EXOC4: variants seen among roughly 807,000 people sequenced by gnomAD.
The protein encoded by EXOC4 is SEC8-like 1.
Under a neutral mutation model 107.2 loss-of-function variants are expected in EXOC4, and 71 were observed. That is an observed-to-expected ratio of 0.66 (90% confidence interval 0.55 to 0.81). The LOEUF (loss-of-function observed/expected upper bound fraction) is 0.81. Ranked by LOEUF, EXOC4 falls within the 30% of genes least tolerant of loss-of-function variation. EXOC4 has a pLI of 0.00. For missense variants in EXOC4, 1,108 were observed against 1,189.6 expected, an observed-to-expected ratio of 0.93 and a Z score of 1.01; for synonymous variants, 456 against 441.2, an observed-to-expected ratio of 1.03 and a Z score of -0.42.
intron 10 of EXOC4, among the ~76,000 whole-genome samples, chr7:133,634,321 C>G (rs1802656422): frequency 6.6e-6 from 1 of 152,098 alleles, no homozygotes; most frequent in Non-Finnish European, 1.5e-5. Context: ...TTAATGCTTT[C>G]CTTATTGTTT....
chr7:134,051,725 C>T (rs1795795854), intron 17 of EXOC4, among the ~76,000 whole-genome samples: 1 of 147,662 alleles, frequency 6.8e-6, no homozygotes, highest in East Asian at 2.0e-4. Context: ...GAGGCTCACG[C>T]CTGTAATCCC....
intron 13 of EXOC4, among the ~76,000 whole-genome samples, chr7:133,923,510 A>G (rs1227293595): frequency 6.6e-6 from 1 of 152,136 alleles, no homozygotes; most frequent in African/African-American, 2.4e-5. Flanking sequence ...TGAACAATGA[A>G]CTTGAACACT....
intron 10 of EXOC4, among the ~76,000 whole-genome samples, chr7:133,702,369 C>T (rs1426457742): frequency 2.5e-4 from 1 of 4,056 alleles, no homozygotes; most frequent in Non-Finnish European, 7.0e-4. Flanking sequence ...GACAAGGTCT[C>T]ACGCTGTTGC....
chr7:134,080,171 C>G, the EXOC4 span, among the ~76,000 whole-genome samples: 2 of 152,214 alleles, frequency 1.3e-5, no homozygotes, highest in African/African-American at 2.4e-5. Context: ...ATGAATGGCT[C>G]TTTTAAAGGC....
intron 9 of EXOC4, among the ~76,000 whole-genome samples, chr7:133,552,652 G>A (rs930731174): frequency 4.6e-5 from 7 of 152,078 alleles, no homozygotes; most frequent in African/African-American, 9.7e-5. Flanking sequence ...AATGAGGAGG[G>A]ATAGTTTCCT....
chr7:133,726,246 C>T (rs756388009), intron 10 of EXOC4, among the ~76,000 whole-genome samples: 13 of 152,194 alleles, frequency 8.5e-5, no homozygotes, highest in South Asian at 2.1e-4. Context: ...AAAACACATA[C>T]GGAAAACTGA....
intron 5 of EXOC4, among the ~76,000 whole-genome samples, chr7:133,334,441 T>C (rs1256425778): frequency 6.6e-6 from 1 of 152,248 alleles, no homozygotes; most frequent in African/African-American, 2.4e-5. Flanking sequence ...CAATATATCC[T>C]GGAAATCATT....
At chr7:134,070,485 A>T (rs76118093), downstream of EXOC4, among the ~76,000 whole-genome samples, 9,022 of 152,264 alleles carry the variant, frequency 0.059, 367 homozygotes, top group Middle Eastern at 0.15. Flanking sequence ...GTGTAATGAG[A>T]TGCAAAAGCC....
intron 8 of EXOC4, 30 bp downstream of exon 8, chr7:133,475,503 T>G: frequency 6.3e-7 from 1 of 1,597,554 alleles, no homozygotes; most frequent in Non-Finnish European, 8.6e-7. Context: ...TAATAGGTTT[T>G]AAGAATTGTT....
At chr7:133,740,826 C>T (rs1023656577) in intron 10 of EXOC4, among the ~76,000 whole-genome samples, 9 of 152,130 alleles carry the variant, frequency 5.9e-5, no homozygotes, top group Non-Finnish European at 1.2e-4. Flanking sequence ...CATAGGTTCT[C>T]ATGGGAATGA....
At chr7:133,981,914 C>G (rs1389097639) in intron 14 of EXOC4, among the ~76,000 whole-genome samples, 1 of 152,142 alleles carries the variant, frequency 6.6e-6, no homozygotes, top group East Asian at 1.9e-4. Context: ...CATGGTAGAC[C>G]ATGCAGCCAT....
intron 10 of EXOC4, among the ~76,000 whole-genome samples, chr7:133,690,925 C>T (rs1475221526): frequency 6.6e-6 from 1 of 152,090 alleles, no homozygotes. Context: ...GACTCCTCAT[C>T]TTGTGATAAC....
intron 10 of EXOC4, among the ~76,000 whole-genome samples, chr7:133,813,095 A>C (rs1269490722): frequency 6.6e-6 from 1 of 152,200 alleles, no homozygotes. Context: ...GACAACGTCA[A>C]CCTGTATGTG....
chr7:133,652,206 A>G (rs903178208), intron 10 of EXOC4, among the ~76,000 whole-genome samples: 4 of 152,198 alleles, frequency 2.6e-5, no homozygotes, highest in Non-Finnish European at 5.9e-5. Context: ...TGCACATTTA[A>G]AAAGATTTAC....
rs201011901 is a variant in EXOC4 at position 133,895,673 on chromosome 7, A to G, written c.1809A>G (p.Gln603=). The change falls in exon 12 of 18, where the codon CAA becomes CAG. Residue 603 remains glutamine (Q), a synonymous_variant. Transcript: ENST00000253861. ...LMHDLSAYSD[Q]FLNMVCVKLQ... is the part of the protein sequence containing the mutation. ...ATGACTTGAGTGCATATTCAGATCA[A>G]TTCCTCAACATGGTGTGCGTGAAGC... 21 of 1,614,036 alleles carry G rather than the reference A, an allele frequency of 1.3e-5. No individual in the cohort carries two copies. The highest frequency in any genetic ancestry group is 3.3e-5 in the Admixed American group (2 of 60,010).
At chr7:133,853,141 G>A (rs1014047730) in intron 11 of EXOC4, among the ~76,000 whole-genome samples, 7 of 152,194 alleles carry the variant, frequency 4.6e-5, no homozygotes, top group East Asian at 3.9e-4. Flanking sequence ...AATCGAGGTC[G>A]TCTCCAGCTT....
At chr7:133,296,454 C>T (rs1420281851) in intron 3 of EXOC4, among the ~76,000 whole-genome samples, 2 of 152,002 alleles carry the variant, frequency 1.3e-5, no homozygotes, top group African/African-American at 4.8e-5. Flanking sequence ...CTTCTCTTGC[C>T]TTCAAAAAGA....
At chr7:134,086,559 T>C in the EXOC4 span, among the ~76,000 whole-genome samples, 1 of 152,176 alleles carries the variant, frequency 6.6e-6, no homozygotes, top group Non-Finnish European at 1.5e-5. Flanking sequence ...ATGCATGCTG[T>C]ACCCATCACA....
chr7:133,785,248 G>A (rs915531076), intron 10 of EXOC4, among the ~76,000 whole-genome samples: 8 of 151,742 alleles, frequency 5.3e-5, no homozygotes, highest in Non-Finnish European at 8.8e-5. Context: ...TAGAATTAAA[G>A]CACTATTAAT....
Sources: allele counts gnomAD v4.1 joint callset (sites outside exome capture counted in the v4.1 genomes callset), GRCh38; gene constraint gnomAD v4.1.1; transcripts MANE v1.5; gene names NCBI Gene and HGNC (gene_info 2026-07-23, HGNC 2026-07-21).